ELFN1: variants seen among roughly 807,000 people sequenced by gnomAD.
ELFN1 encodes the protein extracellular leucine rich repeat and fibronectin type III domain containing 1.
In ELFN1, 6 loss-of-function variants were observed where a neutral mutation model predicts 7.6. The ratio of observed to expected loss-of-function variants is 0.79; its 90% CI spans 0.43 to 1.56. ELFN1 has a LOEUF of 1.56. Ranked by LOEUF, ELFN1 falls within the 40% of genes most tolerant of loss-of-function variation. ELFN1 has a pLI of 0.01. For synonymous variants in ELFN1, 657 were observed against 588.1 expected (o/e 1.12, Z -1.70); for missense variants, 1,169 against 1,232.2 (o/e 0.95, Z 0.77).
chr7:1,708,750 C>T (rs1779589369), intron 2 of ELFN1, among the ~76,000 whole-genome samples: 8 of 152,110 alleles, frequency 5.3e-5, no homozygotes, highest in African/African-American at 1.9e-4. Context: ...ACCTTTACCC[C>T]AAACACCTGG....
intron 1 of ELFN1, among the ~76,000 whole-genome samples, chr7:1,682,614 T>A (rs1041389254): frequency 5.9e-5 from 9 of 151,472 alleles, no homozygotes; most frequent in Non-Finnish European, 1.2e-4. Context: ...ATAAATTTTT[T>A]TTTTTTTTTT....
chr7:1,672,643 T>G (rs1055602949), intron 1 of ELFN1, among the ~76,000 whole-genome samples: 1 of 152,032 alleles, frequency 6.6e-6, no homozygotes, highest in Non-Finnish European at 1.5e-5. Context: ...ACGCATCAGC[T>G]CTAGATTTTG....
At chr7:1,700,085 A>G (rs561214992) in intron 2 of ELFN1, among the ~76,000 whole-genome samples, 1 of 152,214 alleles carries the variant, frequency 6.6e-6, no homozygotes, top group South Asian at 2.1e-4. Context: ...TTGGCTGTAC[A>G]TGGTTTTCTC....
chr7:1,743,581 G>C (rs1780689634), intron 3 of ELFN1, among the ~76,000 whole-genome samples: 1 of 152,224 alleles, frequency 6.6e-6, no homozygotes, highest in South Asian at 2.1e-4. Flanking sequence ...CAGCGTGCCA[G>C]GGACACAGGG....
At chr7:1,721,439 C>T (rs1780019367) in intron 3 of ELFN1, among the ~76,000 whole-genome samples, 1 of 152,254 alleles carries the variant, frequency 6.6e-6, no homozygotes, top group Non-Finnish European at 1.5e-5. Context: ...ACACACAAGG[C>T]AGCGAACTTG....
At position 1,745,112 on chromosome 7, in the gene ELFN1, C is replaced by T. The variant is rs1375158777; in HGVS notation, c.516C>T (p.Asn172=). ...CCATGAACCGCATCCAGCAGCTCAA[C>T]AGCGGCACCTTCGCCGGCCTGGCCA... ...DLSMNRIQQL[N]SGTFAGLAKL... Residue 172 remains asparagine (N), a synonymous_variant, in exon 4 of 4, where the codon AAC becomes AAT. Transcript: ENST00000424383. 3 of 1,550,938 alleles carry T rather than the reference C, an allele frequency of 1.9e-6. No individual in the cohort carries two copies. Among genetic ancestry groups the T allele is most frequent in the Non-Finnish European group, 2.6e-6 (3 of 1,147,004 alleles).
At chr7:1,666,420 G>C (rs947095858), upstream of ELFN1, among the ~76,000 whole-genome samples, 3 of 152,078 alleles carry the variant, frequency 2.0e-5, no homozygotes, top group Admixed American at 2.0e-4. This position sits in a 1 kb window ranked among gnomAD's most constrained non-coding sequence, Gnocchi z 7.9. Context: ...TGCGGCGCTC[G>C]GGGCCCGCGG....
At chr7:1,669,464 G>T (rs1351849689), upstream of ELFN1, among the ~76,000 whole-genome samples, 2 of 152,148 alleles carry the variant, frequency 1.3e-5, no homozygotes, top group Non-Finnish European at 2.9e-5. Context: ...CGGCCCGAGC[G>T]TGGAGTCCCG....
intron 3 of ELFN1, among the ~76,000 whole-genome samples, chr7:1,721,422 G>A (rs1562377348): frequency 1.3e-5 from 2 of 152,254 alleles, no homozygotes; most frequent in Non-Finnish European, 2.9e-5. Flanking sequence ...CAGGCACGCT[G>A]GAAGGCACAC....
chr7:1,711,451 A>G (rs921855595), intron 3 of ELFN1, among the ~76,000 whole-genome samples: 2 of 152,018 alleles, frequency 1.3e-5, no homozygotes, highest in African/African-American at 2.4e-5. Flanking sequence ...GAGTGTGGGA[A>G]GAGGAGGAGA....
chr7:1,736,670 G>A (rs1780456077), intron 3 of ELFN1, among the ~76,000 whole-genome samples: 1 of 152,200 alleles, frequency 6.6e-6, no homozygotes, highest in East Asian at 1.9e-4. Context: ...CAGCTGGGGA[G>A]ACACCAGGCG....
At chr7:1,679,235 G>T (rs531826011) in intron 1 of ELFN1, among the ~76,000 whole-genome samples, 31 of 152,210 alleles carry the variant, frequency 2.0e-4, no homozygotes, top group African/African-American at 7.5e-4. Flanking sequence ...GAGCAGCCAG[G>T]GCTCTGTACC....
intron 3 of ELFN1, among the ~76,000 whole-genome samples, chr7:1,716,605 G>A (rs1168679377): frequency 1.3e-5 from 2 of 152,250 alleles, no homozygotes; most frequent in African/African-American, 4.8e-5. Flanking sequence ...GCACACACAG[G>A]TGTAGGCATC....
chr7:1,705,838 C>G lies in ELFN1; in HGVS notation c.-455-3253C>G, dbSNP rs909490834. ...CCCCCGAATATCACAGACAAAACTG[C>G]CTGTGTATTTTCCAGGGTGGGTTCT... is the stretch of plus-strand genomic sequence containing the variant. On this transcript the variant is annotated intron_variant, in intron 2 of 3. Transcript: ENST00000424383. This position sits in a 1 kb window ranked among gnomAD's most constrained non-coding sequence, Gnocchi z 4.3. 2.0e-5 allele frequency among the ~76,000 whole-genome samples: 3 copies of G among 152,198 alleles called. No individual in the cohort carries two copies. Among genetic ancestry groups the G allele is most frequent in the African/African-American group, 4.8e-5 (2 of 41,448 alleles).
chr7:1,681,135 A>G (rs1344897761), intron 1 of ELFN1, among the ~76,000 whole-genome samples: 1 of 152,210 alleles, frequency 6.6e-6, no homozygotes, highest in Non-Finnish European at 1.5e-5. Context: ...ACTTAGTGTC[A>G]TATTTTTGAG....
Position 1,745,381 on chromosome 7 carries a change from C to A in ELFN1, c.785C>A (p.Pro262His), listed in dbSNP as rs1441790786. 10 of 1,538,810 alleles carry A rather than the reference C, an allele frequency of 6.5e-6. No individual in the cohort carries two copies. Among genetic ancestry groups the A allele is most frequent in the South Asian group, 4.8e-5 (4 of 83,940 alleles). Residue 262 changes from proline to histidine, a missense_variant, in exon 4 of 4, where the codon CCC becomes CAC. Transcript: ENST00000424383. ...EDSYAAEVVG[P>H]PRPASGRSQP... Reference sequence around the variant, plus strand: ...TCGTACGCGGCTGAGGTGGTCGGGCCCCCACGTCCAGCATCCGGGCGCTCA... The same window carrying A: ...TCGTACGCGGCTGAGGTGGTCGGGCACCCACGTCCAGCATCCGGGCGCTCA...
chr7:1,743,006 A>G (rs954473324), intron 3 of ELFN1, among the ~76,000 whole-genome samples: 5 of 152,078 alleles, frequency 3.3e-5, no homozygotes, highest in Non-Finnish European at 7.4e-5. Context: ...AAACACACCC[A>G]TTTCTCTATC....
intron 2 of ELFN1, among the ~76,000 whole-genome samples, chr7:1,698,912 G>T (rs1779370233): frequency 6.6e-6 from 1 of 152,092 alleles, no homozygotes; most frequent in Non-Finnish European, 1.5e-5. Flanking sequence ...CGTGTCACCA[G>T]CCCCAGAAGT....
rs962576689 is a variant in ELFN1 at position 1,746,567 on chromosome 7, C to T, written c.1971C>T (p.Val657=). The T allele has an allele frequency of 3.8e-5, 52 of 1,357,930 alleles. No homozygotes were observed. In the East Asian group the frequency reaches 3.9e-4, roughly 10 times the overall value. 84.1% of individuals were successfully genotyped at this position (1,357,930 alleles called of 1,614,324 possible). The part of the protein sequence containing the change: ...RSPRAFRAEA[V]GVHKAAAAEA... The stretch of plus-strand genomic sequence containing the variant: ...CCCGCGCCTTCCGAGCCGAGGCCGT[C>T]GGGGTGCACAAGGCCGCGGCCGCCG... The change falls in exon 4 of 4, where the codon GTC becomes GTT. Residue 657 remains valine, a synonymous_variant. Coordinates refer to ENST00000424383, the MANE Select transcript of ELFN1 (RefSeq NM_001128636.4).
Sources: gnomAD v4.1 joint callset for allele counts (sites outside exome capture counted in the v4.1 genomes callset) on GRCh38, gnomAD v4.1.1 for gene constraint, Gnocchi (gnomAD v3.1) non-coding constraint, MANE v1.5 for transcripts, NCBI Gene and HGNC (gene_info 2026-07-23, HGNC 2026-07-21) for gene names.